Variants in C18orf63 observed in about 807,000 individuals in gnomAD.
C18orf63 encodes uncharacterized protein C18orf63.
C18orf63 carries 50 observed loss-of-function variants against 75.3 expected under a neutral mutation model. The ratio of observed to expected loss-of-function variants is 0.66; its 90% CI spans 0.53 to 0.84. The LOEUF (loss-of-function observed/expected upper bound fraction) is 0.84, where lower values mean the gene tolerates loss of function less well. Among genes scored for constraint, C18orf63 ranks in the 40% least tolerant of loss-of-function variants. The probability of loss-of-function intolerance (pLI) is 0.00; values close to 1 mark genes in which losing one functional copy is unlikely to be tolerated. For missense variants in C18orf63, 732 were observed against 800.2 expected (o/e 0.91, Z 1.03); for synonymous variants, 232 against 267.6 (o/e 0.87, Z 1.30).
intron 3 of C18orf63, 26 bp downstream of exon 3, chr18:74,320,617 T>C: frequency 7.4e-7 from 1 of 1,353,428 alleles, no homozygotes; most frequent in African/African-American, 1.4e-5. Flanking sequence ...TTTTGTGAAA[T>C]GTTATTACTA....
intron 8 of C18orf63, among the ~76,000 whole-genome samples, chr18:74,341,689 AAAAT>A (rs1984490117): frequency 6.6e-6 from 1 of 152,192 alleles, no homozygotes; most frequent in Non-Finnish European, 1.5e-5. Context: ...ACTGTCTCAA[AAAAT>A]AAATAATAGC....
At chr18:74,326,878 G>A (rs200200883) in intron 4 of C18orf63, among the ~76,000 whole-genome samples, 2 of 151,988 alleles carry the variant, frequency 1.3e-5, no homozygotes, top group East Asian at 3.8e-4. Flanking sequence ...ATATTCTCTT[G>A]GTTGCGTGTG....
In C18orf63 at chr18:74,336,591, A is replaced by T. The variant is rs536654419; in HGVS notation, c.502-2124A>T. ...TTCCATTTTCAGCCCTCTTTTCCTT[A>T]GCAGGCTTACCCATTTCAGTAGCTT... On this transcript the variant is annotated intron_variant, in intron 7 of 13. Coordinates refer to ENST00000579455, the MANE Select transcript of C18orf63 (RefSeq NM_001174123.2). Among the ~76,000 whole-genome samples, 5 of 152,158 alleles carry T rather than the reference A, an allele frequency of 3.3e-5. No homozygotes were observed. In the East Asian group the frequency reaches 9.6e-4, roughly 29 times the overall value.
intron 11 of C18orf63, among the ~76,000 whole-genome samples, chr18:74,349,786 C>T (rs75892197): frequency 0.031 from 4,779 of 152,224 alleles, 125 homozygotes; most frequent in Non-Finnish European, 0.051. Flanking sequence ...TTCTGCTCCC[C>T]TACACTTAAG....
At chr18:74,332,718 G>GA (rs11478149) in intron 7 of C18orf63, among the ~76,000 whole-genome samples, 99 of 141,308 alleles carry the variant, frequency 7.0e-4, no homozygotes, top group East Asian at 3.0e-3. Context: ...TCTTAGAGGG[G>GA]AAAAAAAAAA....
chr18:74,338,698 CT>C lies in C18orf63; in HGVS notation c.502-15del. 1.7e-6 allele frequency: 2 copies of C among 1,155,546 alleles called. No homozygotes were observed. The highest frequency in any genetic ancestry group is 2.3e-6 in the Non-Finnish European group (2 of 878,360). The allele number at this position is 1,155,546 out of a possible 1,614,324, so 71.6% of individuals were successfully genotyped here. Reference sequence around the variant, plus strand: ...CCAAATGATTTGAGGACTTACAAATCTTATTTCTATTAAAAGCTAAAAGAGT... The same window carrying C: ...CCAAATGATTTGAGGACTTACAAATCTATTTCTATTAAAAGCTAAAAGAGT... On this transcript the variant is annotated splice_polypyrimidine_tract_variant and intron_variant, in intron 7 of 13. Coordinates refer to ENST00000579455, the MANE Select transcript of C18orf63 (RefSeq NM_001174123.2).
At chr18:74,336,147 G>A (rs138336747) in intron 7 of C18orf63, among the ~76,000 whole-genome samples, 51 of 152,056 alleles carry the variant, frequency 3.4e-4, no homozygotes, top group African/African-American at 1.2e-3. Context: ...AGTTGCTCTG[G>A]ATCATAAAGG....
intron 5 of C18orf63, 50 bp from the exon 6 acceptor site, chr18:74,328,945 T>G (rs1175854965): frequency 4.1e-6 from 4 of 987,036 alleles, no homozygotes; most frequent in Non-Finnish European, 6.2e-6. Context: ...ATATCAAGCA[T>G]GATTATTTAT....
rs2145125280 is a variant in C18orf63 at position 74,339,950 on chromosome 18, A to G, written c.611+1126A>G. ...AACCAAGGAGGTGAAAGACCTGTACACTGAAAACTACGTATCTGTGAAAAA... is the reference window on the plus strand; with the variant it reads ...AACCAAGGAGGTGAAAGACCTGTACGCTGAAAACTACGTATCTGTGAAAAA... On this transcript the variant is annotated intron_variant, in intron 8 of 13. Coordinates refer to ENST00000579455, the MANE Select transcript of C18orf63 (RefSeq NM_001174123.2). Among the ~76,000 whole-genome samples the G allele has an allele frequency of 2.0e-5, 3 of 152,340 alleles. No individual in the cohort carries two copies. In the South Asian group the frequency reaches 6.2e-4, roughly 32 times the overall value.
At chr18:74,330,799 T>C in intron 6 of C18orf63, 67 bp from the exon 7 acceptor site, 1 of 612,902 alleles carries the variant, frequency 1.6e-6, no homozygotes, top group Non-Finnish European at 2.7e-6. Flanking sequence ...CCTTTGTTAC[T>C]AAAATACTTA....
chr18:74,327,052 A>ACTT lies in C18orf63; in HGVS notation c.271-894_271-893insTTC, dbSNP rs1166584311. On this transcript the variant is annotated intron_variant, in intron 4 of 13. Coordinates refer to ENST00000579455, the MANE Select transcript of C18orf63 (RefSeq NM_001174123.2). ...AAGGCTGGAATGTAACAAAGAGCCC[A>ACTT]CCAAGAGTTTTGCCTAGGCTTTTCC... 1.5e-3 allele frequency among the ~76,000 whole-genome samples: 235 copies of ACTT among 152,288 alleles called. 1 individual carries two copies. Among genetic ancestry groups the ACTT allele is most frequent in the African/African-American group, 5.3e-3 (221 of 41,562 alleles).
In C18orf63 at chr18:74,317,275, G is replaced by T. The variant is rs372151679; in HGVS notation, c.-32-559G>T. Among the ~76,000 whole-genome samples the T allele has an allele frequency of 1.6e-4, 24 of 152,102 alleles. 1 individual carries two copies. Among genetic ancestry groups the T allele is most frequent in the African/African-American group, 5.8e-4 (24 of 41,414 alleles). On this transcript the variant is annotated intron_variant, in intron 1 of 13. Transcript: ENST00000579455. ...AGTAAAATGTAATGTAGACTTCAAA[G>T]GTATACCTTATGAATTATCAACTGT...
At chr18:74,320,691 G>A in intron 3 of C18orf63, 100 bp downstream of exon 3, 1 of 646,696 alleles carries the variant, frequency 1.5e-6, no homozygotes, top group Non-Finnish European at 2.5e-6. Context: ...TGTTTATGAG[G>A]ATTAATTGAT....
At chr18:74,318,357 T>C (rs762077756) in intron 2 of C18orf63, among the ~76,000 whole-genome samples, 9 of 152,282 alleles carry the variant, frequency 5.9e-5, no homozygotes, top group Admixed American at 1.3e-4. Context: ...AGTAGGTATT[T>C]CCAGTAGGTG....
At chr18:74,334,252 A>G (rs945968831) in intron 7 of C18orf63, among the ~76,000 whole-genome samples, 1 of 151,870 alleles carries the variant, frequency 6.6e-6, no homozygotes, top group Non-Finnish European at 1.5e-5. Flanking sequence ...TCTGTGCCCC[A>G]TGCTTTTTCC....
chr18:74,325,751 A>T (rs748076072), intron 4 of C18orf63, among the ~76,000 whole-genome samples: 1 of 152,236 alleles, frequency 6.6e-6, no homozygotes, highest in Non-Finnish European at 1.5e-5. Context: ...TCTTAGAGAG[A>T]TAACAATCCA....
At chr18:74,316,491 G>GCGGTCC (rs1347325824) in intron 1 of C18orf63, among the ~76,000 whole-genome samples, 1 of 152,176 alleles carries the variant, frequency 6.6e-6, no homozygotes, top group Non-Finnish European at 1.5e-5. Flanking sequence ...CCTCGTAGCG[G>GCGGTCC]CGGTCCCGAG....
chr18:74,326,595 AG>A (rs1984212057), intron 4 of C18orf63, among the ~76,000 whole-genome samples: 1 of 152,152 alleles, frequency 6.6e-6, no homozygotes, highest in African/African-American at 2.4e-5. Flanking sequence ...GCCTGTTCCT[AG>A]GTTCCCCTGC....
At chr18:74,318,587 G>A (rs1376943647) in intron 2 of C18orf63, among the ~76,000 whole-genome samples, 2 of 152,044 alleles carry the variant, frequency 1.3e-5, no homozygotes, top group Admixed American at 6.6e-5. Flanking sequence ...TCAGGAGTTC[G>A]ACACCAGCCT....
Sources: gnomAD v4.1 joint callset for allele counts (sites outside exome capture counted in the v4.1 genomes callset) on GRCh38, gnomAD v4.1.1 for gene constraint, MANE v1.5 for transcripts, NCBI Gene and HGNC (gene_info 2026-07-23, HGNC 2026-07-21) for gene names.